HECTD4: variants seen among roughly 807,000 people sequenced by gnomAD.
HECTD4 encodes HECT domain E3 ubiquitin protein ligase 4, also known as probable E3 ubiquitin-protein ligase HECTD4.
A neutral mutation model predicts 471.5 loss-of-function variants in HECTD4; 114 were observed. The observed-to-expected ratio is 0.24, with a 90% confidence interval of 0.21 to 0.28. HECTD4 has a LOEUF of 0.28. HECTD4 is among the 10% of genes least tolerant of loss of function. HECTD4 has a pLI of 1.00. For synonymous variants in HECTD4, 2,012 were observed against 2,256.0 expected, an observed-to-expected ratio of 0.89 and a Z score of 3.07; for missense variants, 3,866 against 5,651.5, an observed-to-expected ratio of 0.68 and a Z score of 10.13.
In HECTD4 at chr12:112,194,132, C is replaced by A. The variant is rs754042892; in HGVS notation, c.8750-458G>T. 2.0e-5 allele frequency among the ~76,000 whole-genome samples: 3 copies of A among 152,194 alleles called. No individual in the cohort carries two copies. The highest frequency in any genetic ancestry group is 4.8e-5 in the African/African-American group (2 of 41,442). On this transcript the variant is annotated intron_variant, in intron 56 of 75. Coordinates refer to ENST00000682272, the MANE Select transcript of HECTD4 (RefSeq NM_001388303.1). The surrounding 1 kb of genome is among the most constrained non-coding windows in gnomAD (Gnocchi z 4.6). ...AGGTATATTTCAGGGCATCTAAGTT[C>A]TTGGGATGGGCTGTGGACCCCAGGC...
At chr12:112,250,112 TGGG>T in intron 25 of HECTD4, 29 bp downstream of exon 25, 3 of 1,517,302 alleles carry the variant, frequency 2.0e-6, no homozygotes, top group Admixed American at 3.6e-5. Context: ...TTTTTCCCAT[TGGG>T]AAAAGTAAAA....
At chr12:112,167,764 C>A in intron 71 of HECTD4, 50 bp downstream of exon 71, 2 of 1,500,104 alleles carry the variant, frequency 1.3e-6, no homozygotes, top group Non-Finnish European at 1.9e-6. Context: ...CCAGCCACTG[C>A]GCAGGACATG....
intron 1 of HECTD4, among the ~76,000 whole-genome samples, chr12:112,378,929 C>A (rs2135773988): frequency 6.6e-6 from 1 of 152,212 alleles, no homozygotes; most frequent in African/African-American, 2.4e-5. Flanking sequence ...GTAGTCCCAG[C>A]TGCTGGGGAG....
chr12:112,373,521 C>T (rs2036723581), intron 1 of HECTD4, among the ~76,000 whole-genome samples: 1 of 151,958 alleles, frequency 6.6e-6, no homozygotes, highest in Admixed American at 6.6e-5. Flanking sequence ...GACTCCATTT[C>T]AAAACAAACA....
chr12:112,162,949 G>A lies in HECTD4; in HGVS notation c.13120+93C>T, dbSNP rs928558177. On this transcript the variant is annotated intron_variant, in intron 75 of 75. Transcript: ENST00000682272. This position sits in a 1 kb window ranked among gnomAD's most constrained non-coding sequence, Gnocchi z 5.2. ...TTGGCACGTGGGGCTCCTGTTCATTGTTCTCCCTTCACATGGGGCCTGGCA... is the reference window on the plus strand; with the variant it reads ...TTGGCACGTGGGGCTCCTGTTCATTATTCTCCCTTCACATGGGGCCTGGCA... 3 of 1,043,158 alleles carry A rather than the reference G, an allele frequency of 2.9e-6. No individual in the cohort carries two copies. The highest frequency in any genetic ancestry group is 3.2e-5 in the African/African-American group (2 of 62,796). The allele number at this position is 1,043,158 out of a possible 1,614,324, so 64.6% of individuals were successfully genotyped here.
intron 11 of HECTD4, 45 bp from the exon 12 acceptor site, chr12:112,270,504 G>C (rs746300047): frequency 1.3e-6 from 2 of 1,489,624 alleles, no homozygotes; most frequent in South Asian, 2.3e-5. Flanking sequence ...CATCTCTATG[G>C]GTGGTCCCCA....
chr12:112,174,159 G>A (rs1033324012), intron 66 of HECTD4, among the ~76,000 whole-genome samples: 2 of 150,584 alleles, frequency 1.3e-5, no homozygotes, highest in Non-Finnish European at 3.0e-5. Flanking sequence ...TGTAGAGACG[G>A]GGTTTCACCA....
At chr12:112,283,372 A>G (rs1320093979) in intron 7 of HECTD4, 70 bp from the exon 8 acceptor site, 5 of 1,206,610 alleles carry the variant, frequency 4.1e-6, no homozygotes, top group Admixed American at 2.5e-5. Context: ...TCTACTGAGG[A>G]TATTATTGTG....
At chr12:112,212,819 G>A (rs138022107) in intron 48 of HECTD4, among the ~76,000 whole-genome samples, 169 bp from the exon 49 acceptor site, 25 of 150,818 alleles carry the variant, frequency 1.7e-4, no homozygotes, top group African/African-American at 4.9e-4. Context: ...TTATTGAGAC[G>A]GAGTCTCACT....
At chr12:112,267,723 C>T (rs549141772) in intron 13 of HECTD4, among the ~76,000 whole-genome samples, 1 of 152,326 alleles carries the variant, frequency 6.6e-6, no homozygotes, top group African/African-American at 2.4e-5. Flanking sequence ...TTCTAATTCT[C>T]AGCTTTTCCG....
chr12:112,162,127 A>G lies in HECTD4; in HGVS notation c.*260T>C. The stretch of plus-strand genomic sequence containing the variant: ...GAGGGACAATGTCCAAGAAGATCAA[A>G]TTAGACACAAACTGTCTGGGAACTA... On this transcript the variant is annotated 3_prime_UTR_variant, in exon 76 of 76. Coordinates refer to ENST00000682272, the MANE Select transcript of HECTD4 (RefSeq NM_001388303.1). This position sits in a 1 kb window ranked among gnomAD's most constrained non-coding sequence, Gnocchi z 5.2. 1 of 431,314 alleles carries G rather than the reference A, an allele frequency of 2.3e-6. No homozygotes were observed. The allele number at this position is 431,314 out of a possible 1,614,324, so 26.7% of individuals were successfully genotyped here.
chr12:112,303,843 C>T (rs2035215564), intron 7 of HECTD4, among the ~76,000 whole-genome samples: 1 of 144,042 alleles, frequency 6.9e-6, no homozygotes, highest in African/African-American at 2.7e-5. Context: ...GAGCAAGACC[C>T]TCTCTTTCTC....
chr12:112,333,901 G>A (rs1356737157), intron 1 of HECTD4, among the ~76,000 whole-genome samples: 1 of 152,036 alleles, frequency 6.6e-6, no homozygotes, highest in Non-Finnish European at 1.5e-5. Context: ...TGGCTGATGA[G>A]AGAAAACTTC....
intron 20 of HECTD4, among the ~76,000 whole-genome samples, chr12:112,257,509 C>T (rs1051598198): frequency 6.6e-6 from 1 of 152,184 alleles, no homozygotes; most frequent in South Asian, 2.1e-4. Flanking sequence ...TTCCTTCTTC[C>T]TCTTTGTAAC....
intron 69 of HECTD4, 123 bp from the exon 70 acceptor site, chr12:112,169,781 C>A: frequency 9.1e-7 from 1 of 1,099,084 alleles, no homozygotes; most frequent in Non-Finnish European, 1.4e-6. Flanking sequence ...CCTCGCTCGG[C>A]CCCCTGTGCC....
At chr12:112,368,110 T>C (rs943636549) in intron 1 of HECTD4, among the ~76,000 whole-genome samples, 2 of 152,192 alleles carry the variant, frequency 1.3e-5, no homozygotes, top group East Asian at 3.8e-4. Context: ...CTTTGCAAAT[T>C]ATGCATCTTA....
intron 64 of HECTD4, among the ~76,000 whole-genome samples, chr12:112,178,117 T>C (rs140415657): frequency 6.6e-6 from 1 of 152,326 alleles, no homozygotes; most frequent in Non-Finnish European, 1.5e-5. Flanking sequence ...CTGTCACCAG[T>C]GCAGTGGTGT....
At chr12:112,185,576 C>G (rs1313129818) in intron 60 of HECTD4, 83 bp from the exon 61 acceptor site, 1 of 1,033,570 alleles carries the variant, frequency 9.7e-7, no homozygotes, top group Admixed American at 2.8e-5. Context: ...GGAATCAACC[C>G]TCATAACAAC....
At position 112,184,249 on chromosome 12, in the gene HECTD4, C is replaced by T. The variant is rs2031777485; in HGVS notation, c.10717G>A (p.Val3573Ile). The T allele has an allele frequency of 6.2e-7, 1 of 1,613,450 alleles. No homozygotes were observed. The highest frequency in any genetic ancestry group is 1.3e-5 in the African/African-American group (1 of 74,924). Residue 3573 changes from valine (V) to isoleucine (I), a missense_variant, in exon 61 of 76, where the codon GTC (valine) becomes ATC (isoleucine). This residue lies in a region of HECTD4 where 192 missense variants were observed against 189.9 expected (regional missense o/e 1.01). Coordinates refer to ENST00000682272, the MANE Select transcript of HECTD4 (RefSeq NM_001388303.1). This position sits in a 1 kb window ranked among gnomAD's most constrained non-coding sequence, Gnocchi z 9.1. Reference sequence around the variant, plus strand: ...AGGGGCTGGTTGTCCAGGGAAGTGACTGTGTACATGGAGCCCATGTCCGAC... The same window carrying T: ...AGGGGCTGGTTGTCCAGGGAAGTGATTGTGTACATGGAGCCCATGTCCGAC... ...SVSDMGSMYT[V>I]TSLDNQPLAA... is the part of the protein sequence containing the mutation.
Sources: allele counts gnomAD v4.1 joint callset (sites outside exome capture counted in the v4.1 genomes callset), GRCh38; gene constraint gnomAD v4.1.1; regional missense constraint gnomAD v4.1.1; non-coding constraint Gnocchi (gnomAD v3.1); transcripts MANE v1.5; gene names NCBI Gene and HGNC (gene_info 2026-07-23, HGNC 2026-07-21).